Variants in GLIS3 observed in about 807,000 individuals in gnomAD.
GLIS3 encodes the protein zinc finger protein GLIS3.
A neutral mutation model predicts 78.6 loss-of-function variants in GLIS3; 53 were observed. That is an observed-to-expected ratio of 0.67 (90% CI 0.54 to 0.85). The LOEUF (loss-of-function observed/expected upper bound fraction) is 0.85. GLIS3 is among the 40% of genes least tolerant of loss of function. The probability of loss-of-function intolerance (pLI) is 0.00; values close to 1 mark genes in which losing one functional copy is unlikely to be tolerated. For missense variants in GLIS3, 1,703 were observed against 1,231.1 expected (o/e 1.38, Z -5.74); for synonymous variants, 684 against 509.9 (o/e 1.34, Z -4.60).
intron 2 of GLIS3, among the ~76,000 whole-genome samples, chr9:4,242,615 T>G (rs904000248): frequency 6.6e-6 from 1 of 152,160 alleles, no homozygotes; most frequent in Admixed American, 6.5e-5. Flanking sequence ...GGTAACATGC[T>G]CCCTGTCCTC....
the GLIS3 span, among the ~76,000 whole-genome samples, chr9:4,425,634 A>G: frequency 6.6e-6 from 1 of 152,246 alleles, no homozygotes; most frequent in Non-Finnish European, 1.5e-5. Flanking sequence ...GACAGCTGTC[A>G]TCTGCCTGGA....
chr9:4,247,674 A>T (rs1444101877), intron 2 of GLIS3, among the ~76,000 whole-genome samples: 1 of 152,216 alleles, frequency 6.6e-6, no homozygotes, highest in Non-Finnish European at 1.5e-5. Flanking sequence ...ACAAATATTT[A>T]AATATTAAAA....
At chr9:3,967,557 T>G (rs16920184) in intron 4 of GLIS3, among the ~76,000 whole-genome samples, 6,616 of 152,072 alleles carry the variant, frequency 0.044, 507 homozygotes, top group African/African-American at 0.15. Flanking sequence ...TGAGGATAAG[T>G]ATACCAGCAT....
the GLIS3 span, among the ~76,000 whole-genome samples, chr9:4,363,054 T>A: frequency 6.6e-6 from 1 of 152,078 alleles, no homozygotes; most frequent in Non-Finnish European, 1.5e-5. Context: ...GAATTGGAGA[T>A]CAGTTCCATT....
At chr9:4,070,220 C>T (rs1827471402) in intron 4 of GLIS3, among the ~76,000 whole-genome samples, 1 of 152,156 alleles carries the variant, frequency 6.6e-6, no homozygotes, top group African/African-American at 2.4e-5. Context: ...TTCACCCCCT[C>T]CTTATCAGAA....
At chr9:4,458,149 C>T in the GLIS3 span, among the ~76,000 whole-genome samples, 5 of 152,160 alleles carry the variant, frequency 3.3e-5, no homozygotes, top group African/African-American at 1.2e-4. Context: ...TCCTGTCATG[C>T]CAACTTTGTT....
intron 3 of GLIS3, 37 bp downstream of exon 3, chr9:4,125,697 A>T: frequency 6.9e-7 from 1 of 1,455,122 alleles, no homozygotes; most frequent in Non-Finnish European, 9.6e-7. Context: ...GTGTGTTTAT[A>T]CCATAAAGAA....
At chr9:4,371,096 A>G in the GLIS3 span, among the ~76,000 whole-genome samples, 2 of 152,214 alleles carry the variant, frequency 1.3e-5, no homozygotes, top group South Asian at 2.1e-4. Flanking sequence ...AATTTTTGTA[A>G]TAAGAAAAAA....
chr9:4,235,370 G>A (rs1822636459), intron 2 of GLIS3, among the ~76,000 whole-genome samples: 1 of 149,918 alleles, frequency 6.7e-6, no homozygotes, highest in Non-Finnish European at 1.5e-5. Flanking sequence ...CCTGAAATAT[G>A]TGCACAGACA....
intron 4 of GLIS3, among the ~76,000 whole-genome samples, chr9:4,067,318 T>C (rs1289460777): frequency 6.6e-6 from 1 of 151,896 alleles, no homozygotes; most frequent in Non-Finnish European, 1.5e-5. Flanking sequence ...ATAAAATTCT[T>C]AACAATACTT....
intron 4 of GLIS3, among the ~76,000 whole-genome samples, chr9:4,039,293 G>A (rs911665012): frequency 6.6e-6 from 1 of 151,790 alleles, no homozygotes. Flanking sequence ...AGACTTGACT[G>A]AAAAAAAATT....
chr9:4,368,709 C>G, the GLIS3 span, among the ~76,000 whole-genome samples: 1 of 152,174 alleles, frequency 6.6e-6, no homozygotes, highest in Admixed American at 6.5e-5. Flanking sequence ...ATGACTTTGA[C>G]GAAGCCACTT....
At chr9:3,854,946 G>A (rs558979264) in intron 9 of GLIS3, among the ~76,000 whole-genome samples, 6 of 152,270 alleles carry the variant, frequency 3.9e-5, no homozygotes, top group African/African-American at 1.4e-4. Context: ...AGATTTGTTT[G>A]TTTGGGAACA....
At chr9:4,279,465 C>T (rs1827355773) in intron 2 of GLIS3, among the ~76,000 whole-genome samples, 5 of 148,600 alleles carry the variant, frequency 3.4e-5, no homozygotes, top group Admixed American at 3.4e-4. Context: ...ACAATAATAT[C>T]AACAAAGGAC....
At chr9:4,484,002 C>A in the GLIS3 span, among the ~76,000 whole-genome samples, 1 of 152,188 alleles carries the variant, frequency 6.6e-6, no homozygotes, top group Non-Finnish European at 1.5e-5. Context: ...AGAAGAGCGC[C>A]TGGTATATAA....
chr9:3,950,572 C>T (rs1816611250), intron 4 of GLIS3, among the ~76,000 whole-genome samples: 1 of 152,232 alleles, frequency 6.6e-6, no homozygotes. Context: ...ATGTTTCCTT[C>T]TTATTTGCCT....
At chr9:4,156,887 A>C (rs1392769835) in intron 2 of GLIS3, among the ~76,000 whole-genome samples, 1 of 152,172 alleles carries the variant, frequency 6.6e-6, no homozygotes, top group Admixed American at 6.5e-5. Context: ...ACCTGGACCA[A>C]CAGCATCAGC....
At chr9:3,875,139 C>T (rs1003980299) in intron 8 of GLIS3, among the ~76,000 whole-genome samples, 22 of 152,324 alleles carry the variant, frequency 1.4e-4, no homozygotes, top group African/African-American at 5.3e-4. Context: ...TTTCCAAAGA[C>T]GCTGAGTTCC....
At chr9:3,983,968 G>A (rs904377873) in intron 4 of GLIS3, among the ~76,000 whole-genome samples, 10 of 152,202 alleles carry the variant, frequency 6.6e-5, no homozygotes, top group Non-Finnish European at 1.2e-4. Context: ...AAGACAATGG[G>A]GAAAATGTCT....
Sources: allele counts gnomAD v4.1 joint callset (sites outside exome capture counted in the v4.1 genomes callset), GRCh38; gene constraint gnomAD v4.1.1; transcripts MANE v1.5; gene names NCBI Gene and HGNC (gene_info 2026-07-23, HGNC 2026-07-21).